Variants in PAPSS1 observed in about 807,000 individuals in gnomAD.
PAPSS1 encodes the protein 3'-phosphoadenosine 5'-phosphosulfate synthase 1, also known as bifunctional 3'-phosphoadenosine 5'-phosphosulfate synthase 1.
PAPSS1 carries 50 observed loss-of-function variants against 72.0 expected under a neutral mutation model. That is an observed-to-expected ratio of 0.69 (90% CI 0.55 to 0.88). The LOEUF (loss-of-function observed/expected upper bound fraction) is 0.88. PAPSS1 is among the 40% of genes least tolerant of loss of function. The probability of loss-of-function intolerance (pLI) is 0.00; values close to 1 mark genes in which losing one functional copy is unlikely to be tolerated. For missense variants in PAPSS1, 657 were observed against 782.2 expected, an observed-to-expected ratio of 0.84 and a Z score of 1.91; for synonymous variants, 261 against 263.6, an observed-to-expected ratio of 0.99 and a Z score of 0.09.
chr4:107,715,753 T>C (rs1311353824), intron 1 of PAPSS1, among the ~76,000 whole-genome samples: 2 of 152,366 alleles, frequency 1.3e-5, no homozygotes, highest in East Asian at 3.9e-4. Flanking sequence ...AAAGTTTAAG[T>C]GTTAAATATT....
intron 1 of PAPSS1, among the ~76,000 whole-genome samples, chr4:107,706,212 T>C (rs186494801): frequency 6.6e-6 from 1 of 152,196 alleles, no homozygotes; most frequent in African/African-American, 2.4e-5. Flanking sequence ...TTTTCTGTTG[T>C]TATTTAAATA....
At chr4:107,671,730 A>C (rs1474000057) in intron 5 of PAPSS1, among the ~76,000 whole-genome samples, 5 of 151,362 alleles carry the variant, frequency 3.3e-5, no homozygotes, top group Admixed American at 3.3e-4. Context: ...ATTTGCATAC[A>C]ATCTACACAC....
At chr4:107,667,249 T>G (rs1467814197) in intron 5 of PAPSS1, among the ~76,000 whole-genome samples, 1 of 152,094 alleles carries the variant, frequency 6.6e-6, no homozygotes, top group Admixed American at 6.6e-5. Flanking sequence ...GGGTTGAAGT[T>G]CATAGAGAAA....
intron 3 of PAPSS1, among the ~76,000 whole-genome samples, chr4:107,688,016 ATCTCT>A (rs1404586181): frequency 6.6e-6 from 1 of 151,650 alleles, no homozygotes; most frequent in Non-Finnish European, 1.5e-5. Context: ...TAAGCTCTCA[ATCTCT>A]TCTCTTTCAA....
intron 11 of PAPSS1, among the ~76,000 whole-genome samples, chr4:107,629,095 T>C (rs1726169909): frequency 6.6e-6 from 1 of 152,212 alleles, no homozygotes; most frequent in Non-Finnish European, 1.5e-5. Flanking sequence ...GATTATAACA[T>C]GTCTGAACAG....
intron 2 of PAPSS1, among the ~76,000 whole-genome samples, chr4:107,697,973 G>T (rs936526585): frequency 6.6e-6 from 1 of 152,070 alleles, no homozygotes; most frequent in African/African-American, 2.4e-5. Flanking sequence ...AAGCCAAGGG[G>T]GAAACAGAAG....
chr4:107,621,937 GT>G (rs1391961578), intron 11 of PAPSS1, among the ~76,000 whole-genome samples: 1 of 151,984 alleles, frequency 6.6e-6, no homozygotes, highest in Non-Finnish European at 1.5e-5. Context: ...CGGAAGACAG[GT>G]TTTTCAGAGT....
intron 1 of PAPSS1, chr4:107,719,693 G>T: frequency 8.5e-6 from 5 of 588,090 alleles, no homozygotes; most frequent in African/African-American, 2.0e-5. Context: ...CCAAGAACGC[G>T]TCGAAGGCGC....
chr4:107,692,279 G>C (rs1722945474), intron 3 of PAPSS1, among the ~76,000 whole-genome samples: 1 of 151,820 alleles, frequency 6.6e-6, no homozygotes, highest in Admixed American at 6.6e-5. Context: ...GGATCAACAA[G>C]GAACTTAAGC....
At chr4:107,666,165 C>T (rs749028516) in intron 5 of PAPSS1, among the ~76,000 whole-genome samples, 1 of 152,174 alleles carries the variant, frequency 6.6e-6, no homozygotes, top group Non-Finnish European at 1.5e-5. Context: ...CCATTTAGAG[C>T]ACTAAACCAC....
chr4:107,702,022 T>C (rs1381999728), intron 1 of PAPSS1, among the ~76,000 whole-genome samples: 1 of 150,212 alleles, frequency 6.7e-6, no homozygotes, highest in South Asian at 2.1e-4. Context: ...TCAAAGTATC[T>C]GAACAGGCTT....
intron 11 of PAPSS1, among the ~76,000 whole-genome samples, chr4:107,617,407 C>T (rs1725852651): frequency 6.6e-6 from 1 of 152,052 alleles, no homozygotes. Flanking sequence ...ACAAATGTTC[C>T]ACTCCCCTTT....
intron 5 of PAPSS1, among the ~76,000 whole-genome samples, chr4:107,673,874 G>A (rs2110331450): frequency 6.6e-6 from 1 of 152,362 alleles, no homozygotes; most frequent in Admixed American, 6.5e-5. Context: ...TAAGCCAGAA[G>A]AGAGTGGGGG....
chr4:107,719,253 T>C (rs1723714260), intron 1 of PAPSS1, among the ~76,000 whole-genome samples: 2 of 151,486 alleles, frequency 1.3e-5, no homozygotes, highest in Admixed American at 1.3e-4. Context: ...TAAACCTTAT[T>C]ATTCCATTGG....
chr4:107,631,677 C>T lies in PAPSS1; in HGVS notation c.1690G>A (p.Ala564Thr). 6.2e-7 allele frequency: 1 copy of T among 1,614,058 alleles called. No homozygotes were observed. ...ATACGCTTCTTTTTCTTGTTGTAAG[C>T]TGCAACTCGAAAGGGAACTATTTCC... is the stretch of plus-strand genomic sequence containing the variant. ...TLEIVPFRVA[A>T]YNKKKKRMDY... Residue 564 changes from alanine to threonine, a missense_variant, in exon 11 of 12, where the codon GCT (alanine) becomes ACT (threonine). Transcript: ENST00000265174.
intron 5 of PAPSS1, among the ~76,000 whole-genome samples, chr4:107,670,953 T>C (rs1727452031): frequency 6.6e-6 from 1 of 152,186 alleles, no homozygotes. Flanking sequence ...TTGTGAATAT[T>C]ATAGGACAGA....
intron 11 of PAPSS1, among the ~76,000 whole-genome samples, chr4:107,617,607 TATTCTTCCTACTCCCTGC>T (rs1345081477): frequency 6.6e-6 from 1 of 152,184 alleles, no homozygotes; most frequent in Non-Finnish European, 1.5e-5. Context: ...TCATCCTGTC[TATTCTTCCTACTCCCTGC>T]ATTACCAGGA....
rs1329897244 is a variant in PAPSS1 at position 107,614,072 on chromosome 4, T to C, written c.*177A>G. On this transcript the variant is annotated 3_prime_UTR_variant, in exon 12 of 12. Transcript: ENST00000265174. ...AAGATACATTAAAACCATCAGTGTG[T>C]TACACTTGTTCAAAACAGAACTCAT... The C allele has an allele frequency of 6.1e-6, 3 of 488,138 alleles. No homozygotes were observed. Among genetic ancestry groups the C allele is most frequent in the Non-Finnish European group, 3.6e-6 (1 of 274,238 alleles). The allele number at this position is 488,138 out of a possible 1,614,324, so 30.2% of individuals were successfully genotyped here.
chr4:107,712,352 T>A (rs973578434), intron 1 of PAPSS1, among the ~76,000 whole-genome samples: 7 of 152,186 alleles, frequency 4.6e-5, no homozygotes, highest in African/African-American at 1.7e-4. Context: ...AAATCATTAA[T>A]CTGTAACAGA....
Sources: gnomAD v4.1 joint callset for allele counts (sites outside exome capture counted in the v4.1 genomes callset) on GRCh38, gnomAD v4.1.1 for gene constraint, MANE v1.5 for transcripts, NCBI Gene and HGNC (gene_info 2026-07-23, HGNC 2026-07-21) for gene names.